CNST: variants seen among roughly 807,000 people sequenced by gnomAD.
CNST encodes the protein consortin, connexin sorting protein, also known as consortin.
Under a neutral mutation model 72.4 loss-of-function variants are expected in CNST, and 39 were observed. The ratio of observed to expected loss-of-function variants is 0.54; its 90% CI spans 0.42 to 0.70. The LOEUF (loss-of-function observed/expected upper bound fraction) is 0.70. Among genes scored for constraint, CNST ranks in the 30% least tolerant of loss-of-function variants. CNST has a pLI of 0.00. For missense variants in CNST, 871 were observed against 868.5 expected, an observed-to-expected ratio of 1.00 and a Z score of -0.04; for synonymous variants, 332 against 320.1, an observed-to-expected ratio of 1.04 and a Z score of -0.40.
At chr1:246,652,821 G>A (rs535075745) in intron 9 of CNST, among the ~76,000 whole-genome samples, 34 of 150,548 alleles carry the variant, frequency 2.3e-4, no homozygotes, top group East Asian at 9.7e-4. Context: ...TGGCTAACAC[G>A]GTGAAACCCC....
At chr1:246,620,712 G>A (rs1664026077) in intron 2 of CNST, among the ~76,000 whole-genome samples, 3 of 135,578 alleles carry the variant, frequency 2.2e-5, no homozygotes, top group African/African-American at 8.5e-5. Flanking sequence ...TTCAGTCGTG[G>A]TGCATACACA....
intron 2 of CNST, among the ~76,000 whole-genome samples, chr1:246,596,092 T>TC (rs574364263): frequency 2.4e-4 from 37 of 152,252 alleles, no homozygotes; most frequent in African/African-American, 8.2e-4. Context: ...TATGCTTAAC[T>TC]AAGCAGGATT....
chr1:246,595,406 T>A lies in CNST; in HGVS notation c.379+3465T>A, dbSNP rs187128779. Among the ~76,000 whole-genome samples the A allele has an allele frequency of 2.0e-3, 310 of 152,294 alleles. 4 individuals are homozygous for A. Among genetic ancestry groups the A allele is most frequent in the Admixed American group, 0.017 (267 of 15,292 alleles). ...TCTCAAGTCAGTCTGTTTCTCTCCA[T>A]CTTCACTGCCACAGTTCAGCAGCAT... On this transcript the variant is annotated intron_variant, in intron 2 of 10. Transcript: ENST00000366513.
In CNST at chr1:246,665,702, G is replaced by A. The variant is rs1277385127; in HGVS notation, c.1975G>A (p.Glu659Lys). The change falls in exon 11 of 11, where the codon GAA (glutamate) becomes AAA (lysine). Residue 659 changes from glutamate to lysine, a missense_variant and splice_region_variant. Transcript: ENST00000366513. ...QEIDDSLDQD[E>K]VGGGSCILLV... Reference sequence around the variant, plus strand: ...CTCACTCTTTCTCATGTTTGCAGATGAAGTTGGAGGTGGCTCCTGTATTTT... The same window carrying A: ...CTCACTCTTTCTCATGTTTGCAGATAAAGTTGGAGGTGGCTCCTGTATTTT... The A allele has an allele frequency of 2.5e-6, 4 of 1,612,558 alleles. No homozygotes were observed. Among genetic ancestry groups the A allele is most frequent in the Non-Finnish European group, 3.4e-6 (4 of 1,179,818 alleles).
At chr1:246,616,057 T>C (rs1381119917) in intron 2 of CNST, among the ~76,000 whole-genome samples, 3 of 152,324 alleles carry the variant, frequency 2.0e-5, no homozygotes, top group Non-Finnish European at 2.9e-5. Context: ...AGTTTTTAAC[T>C]ATAGGTCACT....
chr1:246,651,394 G>T (rs1439658702), intron 9 of CNST, among the ~76,000 whole-genome samples: 1 of 152,054 alleles, frequency 6.6e-6, no homozygotes, highest in East Asian at 1.9e-4. Flanking sequence ...AGAGCATGCT[G>T]GTTTGTTCTT....
At position 246,567,957 on chromosome 1, in the gene CNST, T is replaced by C. The variant is rs138718850; in HGVS notation, c.-52+1294T>C. 4.4e-3 allele frequency among the ~76,000 whole-genome samples: 667 copies of C among 152,242 alleles called. 3 individuals are homozygous for C. Among genetic ancestry groups the C allele is most frequent in the African/African-American group, 0.015 (640 of 41,540 alleles). On this transcript the variant is annotated intron_variant, in intron 1 of 10. Coordinates refer to ENST00000366513, the MANE Select transcript of CNST (RefSeq NM_152609.3). Reference sequence around the variant, plus strand: ...AATCAGATAAAATAGAATTATGTCTTCATGGTTCACTCATAGAAATGTGTC... The same window carrying C: ...AATCAGATAAAATAGAATTATGTCTCCATGGTTCACTCATAGAAATGTGTC...
chr1:246,628,078 G>A (rs115836196), intron 3 of CNST, among the ~76,000 whole-genome samples: 4,525 of 152,142 alleles, frequency 0.03, 79 homozygotes, highest in Middle Eastern at 0.041. Flanking sequence ...TCCAGCACGC[G>A]AGAAAGATGT....
At chr1:246,660,126 A>G (rs1395636075) in intron 9 of CNST, 73 bp from the exon 10 acceptor site, 1 of 1,266,772 alleles carries the variant, frequency 7.9e-7, no homozygotes, top group Non-Finnish European at 1.1e-6. Flanking sequence ...CTGTTGAATG[A>G]GCCTTTTTAT....
intron 9 of CNST, among the ~76,000 whole-genome samples, chr1:246,659,398 T>A (rs557622603): frequency 2.6e-5 from 4 of 152,066 alleles, no homozygotes; most frequent in Admixed American, 1.3e-4. Flanking sequence ...ATCGAGACCA[T>A]CCTGGCTAAC....
intron 9 of CNST, among the ~76,000 whole-genome samples, chr1:246,654,735 A>G (rs1417782610): frequency 6.6e-6 from 1 of 152,170 alleles, no homozygotes; most frequent in East Asian, 1.9e-4. Context: ...TTAATGATAG[A>G]TTTGGTTTTG....
intron 9 of CNST, among the ~76,000 whole-genome samples, chr1:246,656,852 C>T (rs530246669): frequency 4.9e-4 from 75 of 151,996 alleles, no homozygotes; most frequent in African/African-American, 1.7e-3. Flanking sequence ...ATTGCTTGAG[C>T]CTAGGAGGTT....
Position 246,663,507 on chromosome 1 carries a change from A to G in CNST, c.1973-2193A>G, listed in dbSNP as rs918237561. ...TGTAATCCCAGCACTTTGGGAGGCC[A>G]AGGCGGGCAAATCACCTGAGGTCAG... On this transcript the variant is annotated intron_variant, in intron 10 of 10. Transcript: ENST00000366513. Among the ~76,000 whole-genome samples the G allele has an allele frequency of 6.6e-5, 10 of 152,136 alleles. No homozygotes were observed. In the South Asian group the frequency reaches 1.7e-3, roughly 25 times the overall value.
intron 8 of CNST, among the ~76,000 whole-genome samples, chr1:246,646,072 G>C (rs1666045142): frequency 6.6e-6 from 1 of 151,930 alleles, no homozygotes; most frequent in Non-Finnish European, 1.5e-5. Flanking sequence ...GAGGTCAGGA[G>C]ATCTAAACCA....
In CNST at chr1:246,591,713, C is replaced by T; in HGVS notation, c.151C>T (p.Leu51=). 6.2e-7 allele frequency: 1 copy of T among 1,614,168 alleles called. No individual in the cohort carries two copies. Among genetic ancestry groups the T allele is most frequent in the Non-Finnish European group, 8.5e-7 (1 of 1,180,032 alleles). The change falls in exon 2 of 11, where the codon CTG becomes TTG. Residue 51 remains leucine, a synonymous_variant. Transcript: ENST00000366513. ...NQLDGDGHEH[L]TSSDSAMGKP... ...GCTTGACGGGGACGGGCATGAGCAT[C>T]TGACCAGCAGTGACAGTGCGATGGG...
At chr1:246,622,464 C>T (rs985605401) in intron 3 of CNST, among the ~76,000 whole-genome samples, 2 of 152,148 alleles carry the variant, frequency 1.3e-5, no homozygotes, top group South Asian at 2.1e-4. Flanking sequence ...GCTTATTAGG[C>T]GCTCAGTGGG....
chr1:246,601,740 G>GCCGAGAT (rs1445537881), intron 2 of CNST, among the ~76,000 whole-genome samples: 1 of 152,190 alleles, frequency 6.6e-6, no homozygotes, highest in Non-Finnish European at 1.5e-5. Flanking sequence ...GTTGCAGTGA[G>GCCGAGAT]CCGAGATCAT....
In CNST at chr1:246,590,859, CT is replaced by C. The variant is rs373861233; in HGVS notation, c.-51-636del. 3.8e-3 allele frequency among the ~76,000 whole-genome samples: 520 copies of C among 135,752 alleles called. 3 individuals carry two copies. Among genetic ancestry groups the C allele is most frequent in the African/African-American group, 0.01 (366 of 36,200 alleles). The allele number at this position is 135,752 out of a possible 152,430, so 89.1% of individuals were successfully genotyped here. ...AGAGTAGCCTAGAGTTAACCATGGC[CT>C]TTTTTTTTTTTTTTTTAAGTGTTCA... On this transcript the variant is annotated intron_variant, in intron 1 of 10. Transcript: ENST00000366513.
intron 4 of CNST, chr1:246,632,397 C>T (rs1272251531): frequency 9.5e-6 from 2 of 210,390 alleles, no homozygotes; most frequent in South Asian, 9.6e-5. Flanking sequence ...GACTAGACAG[C>T]CCAGTCTTGC....
Sources: gnomAD v4.1 joint callset for allele counts (sites outside exome capture counted in the v4.1 genomes callset) on GRCh38, gnomAD v4.1.1 for gene constraint, MANE v1.5 for transcripts, NCBI Gene and HGNC (gene_info 2026-07-23, HGNC 2026-07-21) for gene names.